ANXA4: variants seen among roughly 807,000 people sequenced by gnomAD.
ANXA4 encodes 35-beta calcimedin.
Under a neutral mutation model 49.8 loss-of-function variants are expected in ANXA4, and 39 were observed. That is an observed-to-expected ratio of 0.78 (90% CI 0.61 to 1.02). The LOEUF is 1.02. Among genes scored for constraint, ANXA4 ranks in the 50% least tolerant of loss-of-function variants. The pLI, the probability that ANXA4 is intolerant of heterozygous loss-of-function variation, is 0.00. For synonymous variants in ANXA4, 134 were observed against 152.5 expected (o/e 0.88, Z 0.89); for missense variants, 360 against 410.1 (o/e 0.88, Z 1.05).
intron 1 of ANXA4, among the ~76,000 whole-genome samples, chr2:69,777,786 G>C (rs1026596782): frequency 6.6e-6 from 1 of 152,202 alleles, no homozygotes; most frequent in South Asian, 2.1e-4. Flanking sequence ...TCTTAGTTCA[G>C]ATGTCAACTC....
intron 3 of ANXA4, among the ~76,000 whole-genome samples, chr2:69,796,078 C>T (rs1169338918): frequency 6.6e-6 from 1 of 152,188 alleles, no homozygotes; most frequent in Non-Finnish European, 1.5e-5. Context: ...GGTCTGAGCC[C>T]TAGGACCTGT....
intron 5 of ANXA4, among the ~76,000 whole-genome samples, chr2:69,807,081 A>G (rs1338445336): frequency 6.6e-6 from 1 of 152,184 alleles, no homozygotes; most frequent in Non-Finnish European, 1.5e-5. Flanking sequence ...ATTTTCCTTC[A>G]TTTACGACAA....
At chr2:69,786,370 C>T (rs2103692108) in intron 2 of ANXA4, among the ~76,000 whole-genome samples, 1 of 152,264 alleles carries the variant, frequency 6.6e-6, no homozygotes, top group East Asian at 1.9e-4. Flanking sequence ...GCTCATATCC[C>T]ACCCCCAGAT....
At chr2:69,812,801 G>C in intron 8 of ANXA4, 92 bp downstream of exon 8, 1 of 1,095,962 alleles carries the variant, frequency 9.1e-7, no homozygotes, top group Non-Finnish European at 1.4e-6. Context: ...ATATTACAGT[G>C]TATATTAGCC....
At chr2:69,695,792 AT>A (rs1213296827) in intron 2 of ANXA4, among the ~76,000 whole-genome samples, 1 of 152,196 alleles carries the variant, frequency 6.6e-6, no homozygotes, top group Non-Finnish European at 1.5e-5. Context: ...AGTCACACAG[AT>A]TTTTTGGTTC....
intron 1 of ANXA4, among the ~76,000 whole-genome samples, chr2:69,772,382 T>C (rs1671758291): frequency 6.6e-6 from 1 of 152,244 alleles, no homozygotes; most frequent in Admixed American, 6.5e-5. Flanking sequence ...GCAGAGGCTC[T>C]GCTAAGAGCA....
At chr2:69,729,639 C>T (rs537716606) in intron 3 of ANXA4, among the ~76,000 whole-genome samples, 22 of 152,282 alleles carry the variant, frequency 1.4e-4, no homozygotes, top group Non-Finnish European at 2.4e-4. Context: ...ATGCTATTCT[C>T]GGGAAATCCC....
intron 1 of ANXA4, among the ~76,000 whole-genome samples, chr2:69,766,947 A>G (rs1280351098): frequency 6.6e-6 from 1 of 152,130 alleles, no homozygotes; most frequent in Admixed American, 6.5e-5. Context: ...TTTCCCCTCT[A>G]TTTCTACTCC....
rs914291102 is a variant in ANXA4 at position 69,820,905 on chromosome 2, T to C, written c.906+84T>C. The stretch of plus-strand genomic sequence containing the variant: ...TGGCATTTAGCACTTGTTGTCCCCC[T>C]CTTCTTGGCATATATCATTTCCCTT... On this transcript the variant is annotated intron_variant, in intron 12 of 12. Coordinates refer to ENST00000394295, the MANE Select transcript of ANXA4 (RefSeq NM_001153.5). 3 of 1,420,804 alleles carry C rather than the reference T, an allele frequency of 2.1e-6. No homozygotes were observed. The African/African-American group carries it at 4.3e-5, about 20-fold the overall frequency. The allele number at this position is 1,420,804 out of a possible 1,614,324, so 88.0% of individuals were successfully genotyped here.
chr2:69,665,916 G>A (rs892683215), intron 2 of ANXA4, among the ~76,000 whole-genome samples: 1 of 152,090 alleles, frequency 6.6e-6, no homozygotes, highest in Admixed American at 6.6e-5. Context: ...AATTTAAAAT[G>A]CACAAGGGCC....
At chr2:69,655,041 G>T (rs1004390228) in intron 2 of ANXA4, among the ~76,000 whole-genome samples, 4 of 152,124 alleles carry the variant, frequency 2.6e-5, no homozygotes, top group African/African-American at 9.7e-5. Context: ...ATGGATTAAA[G>T]ACTTAAATGT....
intron 2 of ANXA4, among the ~76,000 whole-genome samples, chr2:69,697,970 C>A (rs1678209993): frequency 1.9e-5 from 2 of 106,776 alleles, no homozygotes; most frequent in East Asian, 2.7e-4. Flanking sequence ...CACAGTGAGA[C>A]CCCATCTCAA....
intron 12 of ANXA4, among the ~76,000 whole-genome samples, chr2:69,824,435 GGAGGTC>G (rs1674373081): frequency 6.6e-6 from 1 of 151,576 alleles, no homozygotes; most frequent in Non-Finnish European, 1.5e-5. Context: ...CCTGGGAGGC[GGAGGTC>G]GCAGTGAGCC....
chr2:69,773,164 A>G (rs1019101716), intron 1 of ANXA4, among the ~76,000 whole-genome samples: 1 of 152,256 alleles, frequency 6.6e-6, no homozygotes, highest in African/African-American at 2.4e-5. Context: ...CCAGTGTTCA[A>G]GTATGATACC....
chr2:69,766,357 G>A (rs1463059714), intron 1 of ANXA4, among the ~76,000 whole-genome samples: 2 of 152,178 alleles, frequency 1.3e-5, no homozygotes, highest in South Asian at 2.1e-4. Flanking sequence ...AAGTACTTAC[G>A]TGATGTAATA....
Position 69,781,551 on chromosome 2 carries a change from T to C in ANXA4, c.-15T>C, listed in dbSNP as rs1258099148. 8.7e-6 allele frequency: 14 copies of C among 1,614,072 alleles called. No homozygotes were observed. Among genetic ancestry groups the C allele is most frequent in the Non-Finnish European group, 5.9e-6 (7 of 1,179,998 alleles). On this transcript the variant is annotated 5_prime_UTR_variant, in exon 2 of 13. Transcript: ENST00000394295. Reference sequence around the variant, plus strand: ...TTCTGCTTGGGTGGCTGAACTCTGATCTTGACCTAGAGTCATGGCCATGGT... The same window carrying C: ...TTCTGCTTGGGTGGCTGAACTCTGACCTTGACCTAGAGTCATGGCCATGGT...
intron 3 of ANXA4, among the ~76,000 whole-genome samples, chr2:69,797,217 G>T (rs1672984020): frequency 6.6e-6 from 1 of 152,168 alleles, no homozygotes; most frequent in African/African-American, 2.4e-5. Flanking sequence ...GGTTTCCTCG[G>T]TCTCCTGGTT....
intron 1 of ANXA4, among the ~76,000 whole-genome samples, chr2:69,773,812 A>G (rs1671844709): frequency 6.6e-6 from 1 of 150,742 alleles, no homozygotes; most frequent in Non-Finnish European, 1.5e-5. Context: ...TTGTATTTTT[A>G]GTAGAGACGG....
chr2:69,673,647 A>G (rs1308824819), intron 2 of ANXA4, among the ~76,000 whole-genome samples: 1 of 151,578 alleles, frequency 6.6e-6, no homozygotes, highest in East Asian at 1.9e-4. Context: ...CCAGAACTTA[A>G]AGTATATTAA....
Sources: gnomAD v4.1 joint callset for allele counts (sites outside exome capture counted in the v4.1 genomes callset) on GRCh38, gnomAD v4.1.1 for gene constraint, MANE v1.5 for transcripts, NCBI Gene and HGNC (gene_info 2026-07-23, HGNC 2026-07-21) for gene names.